The following NPAS3 variants were observed in gnomAD, a reference collection of about 807,000 sequenced individuals.
NPAS3 encodes the protein neuronal PAS domain-containing protein 3.
A neutral mutation model predicts 73.1 loss-of-function variants in NPAS3; 14 were observed. The observed-to-expected ratio is 0.19, with a 90% CI of 0.13 to 0.30. The LOEUF is 0.30. Ranked by LOEUF, NPAS3 falls within the 10% of genes least tolerant of loss-of-function variation. The pLI, the probability that NPAS3 is intolerant of heterozygous loss-of-function variation, is 1.00. For synonymous variants in NPAS3, 620 were observed against 541.5 expected (o/e 1.14, Z -2.01); for missense variants, 1,096 against 1,250.0 (o/e 0.88, Z 1.86).
intron 1 of NPAS3, among the ~76,000 whole-genome samples, chr14:32,944,565 T>TC (rs527847317): frequency 6.6e-6 from 1 of 152,116 alleles, no homozygotes; most frequent in East Asian, 1.9e-4. Context: ...TGGCCTTTTT[T>TC]CCCCCCTCAT....
chr14:33,157,630 G>A (rs1046038329), intron 2 of NPAS3, among the ~76,000 whole-genome samples: 1 of 152,086 alleles, frequency 6.6e-6, no homozygotes. Context: ...AAAAACCTGT[G>A]GTTCAGGTGA....
chr14:33,655,776 A>G (rs962190920), intron 5 of NPAS3, among the ~76,000 whole-genome samples: 10 of 152,142 alleles, frequency 6.6e-5, no homozygotes, highest in African/African-American at 2.2e-4. Flanking sequence ...CAAGACTGCA[A>G]GAACTTGTAC....
At chr14:33,628,184 G>C (rs1330842583) in intron 5 of NPAS3, among the ~76,000 whole-genome samples, 1 of 152,190 alleles carries the variant, frequency 6.6e-6, no homozygotes, top group Non-Finnish European at 1.5e-5. Context: ...CTTATTAAAA[G>C]AGTAAGATTT....
At chr14:33,439,155 T>C (rs1332425915) in intron 4 of NPAS3, among the ~76,000 whole-genome samples, 1 of 152,150 alleles carries the variant, frequency 6.6e-6, no homozygotes, top group Admixed American at 6.5e-5. Context: ...ACATCTTCAC[T>C]ATAATTTTGT....
chr14:33,563,919 G>T (rs563384506), intron 5 of NPAS3, among the ~76,000 whole-genome samples: 154 of 152,230 alleles, frequency 1.0e-3, no homozygotes, highest in African/African-American at 3.6e-3. Context: ...AATGTAAGGG[G>T]CTTAATCGCC....
chr14:32,992,107 T>C (rs1354045281), intron 1 of NPAS3, among the ~76,000 whole-genome samples: 1 of 152,170 alleles, frequency 6.6e-6, no homozygotes, highest in African/African-American at 2.4e-5. Flanking sequence ...CAAACTGTGA[T>C]GGCCTGATGC....
At chr14:33,227,149 T>C (rs1187687294) in intron 3 of NPAS3, among the ~76,000 whole-genome samples, 1 of 152,186 alleles carries the variant, frequency 6.6e-6, no homozygotes, top group East Asian at 1.9e-4. Context: ...GTTTGTAAAG[T>C]GGTGCAGTGA....
chr14:33,341,799 A>G (rs1374080303), intron 3 of NPAS3, among the ~76,000 whole-genome samples: 1 of 152,218 alleles, frequency 6.6e-6, no homozygotes, highest in African/African-American at 2.4e-5. Context: ...AGTTAGGTCC[A>G]TAAAAGGTAA....
At chr14:33,219,112 AGT>A (rs1566690084) in intron 3 of NPAS3, among the ~76,000 whole-genome samples, 1 of 152,226 alleles carries the variant, frequency 6.6e-6, no homozygotes, top group Non-Finnish European at 1.5e-5. Flanking sequence ...CATTCTCAGC[AGT>A]GTTTCAGCTA....
At chr14:33,169,719 T>C (rs531033642) in intron 2 of NPAS3, among the ~76,000 whole-genome samples, 322 of 152,362 alleles carry the variant, frequency 2.1e-3, no homozygotes, top group South Asian at 5.2e-3. Flanking sequence ...TGGCGGGCTA[T>C]GAGTACAGAA....
intron 6 of NPAS3, among the ~76,000 whole-genome samples, chr14:33,724,665 G>A (rs2061213699): frequency 1.3e-5 from 2 of 151,770 alleles, no homozygotes; most frequent in Admixed American, 1.3e-4. Flanking sequence ...TTAAAAACAT[G>A]TGAGATGTTT....
At chr14:33,350,523 G>A (rs1367134845) in intron 3 of NPAS3, among the ~76,000 whole-genome samples, 1 of 152,264 alleles carries the variant, frequency 6.6e-6, no homozygotes, top group East Asian at 1.9e-4. Context: ...TAAAAAGTAG[G>A]ACCCCCCTCT....
chr14:33,274,319 A>G (rs1277748465), intron 3 of NPAS3, among the ~76,000 whole-genome samples: 1 of 152,238 alleles, frequency 6.6e-6, no homozygotes, highest in Non-Finnish European at 1.5e-5. Context: ...AGGAGGCAGC[A>G]TTAGGCTAAA....
chr14:33,264,403 C>T (rs576857395), intron 3 of NPAS3, among the ~76,000 whole-genome samples: 176 of 151,888 alleles, frequency 1.2e-3, no homozygotes, highest in Admixed American at 4.7e-3. Context: ...CACCTATGCC[C>T]TAAAACTTAA....
intron 2 of NPAS3, among the ~76,000 whole-genome samples, chr14:33,056,322 A>T (rs1016753342): frequency 1.3e-5 from 2 of 152,234 alleles, no homozygotes; most frequent in African/African-American, 4.8e-5. Context: ...GGCAAAATAC[A>T]TTGCACAGGT....
intron 5 of NPAS3, among the ~76,000 whole-genome samples, chr14:33,665,187 T>C (rs778707789): frequency 9.9e-5 from 15 of 152,132 alleles, no homozygotes; most frequent in Non-Finnish European, 1.8e-4. Context: ...ATAAAAAGGA[T>C]GAGTTCATGT....
intron 2 of NPAS3, among the ~76,000 whole-genome samples, chr14:33,210,163 A>ATTTT (rs1255088690): frequency 6.6e-6 from 1 of 152,170 alleles, no homozygotes; most frequent in Non-Finnish European, 1.5e-5. Flanking sequence ...TCAAAGCTAA[A>ATTTT]TTTGATCAAC....
chr14:33,515,219 A>G (rs1007503155), intron 4 of NPAS3, among the ~76,000 whole-genome samples: 2 of 152,092 alleles, frequency 1.3e-5, no homozygotes, highest in African/African-American at 4.8e-5. Context: ...GATACCTACA[A>G]TTCCCAGCAT....
intron 5 of NPAS3, among the ~76,000 whole-genome samples, chr14:33,577,443 G>C (rs1323577893): frequency 6.6e-6 from 1 of 152,150 alleles, no homozygotes; most frequent in Non-Finnish European, 1.5e-5. Context: ...TCTATAAAGA[G>C]GGGGGAGGTT....
Sources: allele counts gnomAD v4.1 joint callset (sites outside exome capture counted in the v4.1 genomes callset), GRCh38; gene constraint gnomAD v4.1.1; transcripts MANE v1.5; gene names NCBI Gene and HGNC (gene_info 2026-07-23, HGNC 2026-07-21).